OSBP2: variants seen among roughly 807,000 people sequenced by gnomAD.
The protein encoded by OSBP2 is oxysterol binding protein 2, also known as oxysterol-binding protein 2.
Under a neutral mutation model 96.0 loss-of-function variants are expected in OSBP2, and 66 were observed. That is an observed-to-expected ratio of 0.69 (90% CI 0.56 to 0.84). The LOEUF (loss-of-function observed/expected upper bound fraction) is 0.84. OSBP2 is among the 40% of genes least tolerant of loss of function. The pLI is 0.00. For synonymous variants in OSBP2, 525 were observed against 520.9 expected (o/e 1.01, Z -0.11); for missense variants, 1,038 against 1,222.7 (o/e 0.85, Z 2.25).
chr22:30,858,849 A>C (rs982508036), intron 2 of OSBP2, among the ~76,000 whole-genome samples: 1 of 150,052 alleles, frequency 6.7e-6, no homozygotes, highest in Non-Finnish European at 1.5e-5. Context: ...ACTGCACTCC[A>C]GGCTGGGTGA....
chr22:30,888,275 G>A lies in OSBP2; in HGVS notation c.1353G>A (p.Glu451=), dbSNP rs764574498. Residue 451 remains glutamate, a synonymous_variant, in exon 5 of 14, where the codon GAG becomes GAA. Coordinates refer to ENST00000332585, the MANE Select transcript of OSBP2 (RefSeq NM_030758.4). The part of the protein sequence containing the change: ...GEDSEEDEDT[E]YFDAMEDSTS... ...ACAGTGAGGAAGATGAAGATACCGA[G>A]TACTTTGATGCCATGGAAGACTCCA... The A allele has an allele frequency of 6.2e-7, 1 of 1,613,922 alleles. No homozygotes were observed. The highest frequency in any genetic ancestry group is 1.1e-5 in the South Asian group (1 of 91,084).
At chr22:30,891,870 G>A (rs976761432) in intron 8 of OSBP2, among the ~76,000 whole-genome samples, 7 of 152,162 alleles carry the variant, frequency 4.6e-5, no homozygotes, top group Admixed American at 6.5e-5. Flanking sequence ...GAACAGACAC[G>A]GCTCTGGTTC....
In OSBP2 at chr22:30,887,625, G is replaced by A; in HGVS notation, c.1300+7G>A. 6.3e-7 allele frequency: 1 copy of A among 1,575,512 alleles called. No individual in the cohort carries two copies. The stretch of plus-strand genomic sequence containing the variant: ...TCCAAGAGCTTCATTGAGGGTGAGT[G>A]GGCAGCCAGGGCAGGGCTGTCCCAT... On this transcript the variant is annotated splice_region_variant and intron_variant, in intron 4 of 13. Coordinates refer to ENST00000332585, the MANE Select transcript of OSBP2 (RefSeq NM_030758.4).
chr22:30,769,543 G>A (rs1339214086), intron 2 of OSBP2, among the ~76,000 whole-genome samples: 1 of 152,130 alleles, frequency 6.6e-6, no homozygotes, highest in South Asian at 2.1e-4. Context: ...CAGCTACTCG[G>A]GAGGCTGAGG....
chr22:30,774,968 C>T (rs1303575558), intron 2 of OSBP2, among the ~76,000 whole-genome samples: 1 of 152,208 alleles, frequency 6.6e-6, no homozygotes, highest in Non-Finnish European at 1.5e-5. Flanking sequence ...CCGTTCTCAT[C>T]ACTTAGCTTT....
intron 2 of OSBP2, among the ~76,000 whole-genome samples, chr22:30,829,940 G>A (rs1221656549): frequency 1.3e-5 from 2 of 152,236 alleles, no homozygotes; most frequent in African/African-American, 4.8e-5. Flanking sequence ...AGTGGGAGCA[G>A]GGCTTGGGAG....
chr22:30,822,940 T>A (rs1569138289), intron 2 of OSBP2, among the ~76,000 whole-genome samples: 1 of 152,230 alleles, frequency 6.6e-6, no homozygotes, highest in Non-Finnish European at 1.5e-5. Flanking sequence ...GGCTAGAGAC[T>A]TGTCCGTCTA....
intron 2 of OSBP2, among the ~76,000 whole-genome samples, chr22:30,743,927 C>T (rs2089970089): frequency 6.6e-6 from 1 of 152,144 alleles, no homozygotes; most frequent in Non-Finnish European, 1.5e-5. Context: ...AAGGGGACCC[C>T]TGAGGGAGTA....
At chr22:30,824,732 A>G (rs183629186) in intron 2 of OSBP2, among the ~76,000 whole-genome samples, 7 of 152,272 alleles carry the variant, frequency 4.6e-5, no homozygotes, top group Non-Finnish European at 7.4e-5. Flanking sequence ...AAGGGTTCCA[A>G]TGAAATTGCA....
intron 2 of OSBP2, among the ~76,000 whole-genome samples, chr22:30,771,687 G>T (rs1235381338): frequency 1.3e-5 from 2 of 152,216 alleles, no homozygotes; most frequent in Non-Finnish European, 2.9e-5. Context: ...TTTGGTGAAG[G>T]ATATCTGTTT....
intron 12 of OSBP2, among the ~76,000 whole-genome samples, chr22:30,902,995 G>GT (rs1569176747): frequency 1.3e-5 from 2 of 152,010 alleles, no homozygotes; most frequent in African/African-American, 4.8e-5. Flanking sequence ...CTGTTTGTGC[G>GT]TTTTTTTCTT....
chr22:30,733,779 T>C (rs1262471665), intron 1 of OSBP2, among the ~76,000 whole-genome samples: 1 of 152,080 alleles, frequency 6.6e-6, no homozygotes, highest in Non-Finnish European at 1.5e-5. Context: ...TTGACAGAGG[T>C]GAGAGTGTGA....
In OSBP2 at chr22:30,837,125, A is replaced by G. The variant is rs542991506; in HGVS notation, c.854-33304A>G. 1.6e-3 allele frequency among the ~76,000 whole-genome samples: 243 copies of G among 152,092 alleles called. 3 individuals carry two copies. Among genetic ancestry groups the G allele is most frequent in the Non-Finnish European group, 8.8e-4 (60 of 67,966 alleles). ...TAAAATACAAAAATTAGCCAGGTGT[A>G]GTGGCATCTACCTGTAATCCCAGCT... On this transcript the variant is annotated intron_variant, in intron 2 of 13. Coordinates refer to ENST00000332585, the MANE Select transcript of OSBP2 (RefSeq NM_030758.4).
In OSBP2 at chr22:30,847,347, C is replaced by A. The variant is rs181451033; in HGVS notation, c.854-23082C>A. ...CCCAGGCTGGAGTGCAGTGGCATGA[C>A]CTCGGCTCACTGGAACATCCACCTC... On this transcript the variant is annotated intron_variant, in intron 2 of 13. Transcript: ENST00000332585. Among the ~76,000 whole-genome samples the A allele has an allele frequency of 3.3e-3, 496 of 151,518 alleles. 4 individuals are homozygous for A. Among genetic ancestry groups the A allele is most frequent in the Non-Finnish European group, 4.3e-3 (294 of 67,826 alleles).
At chr22:30,785,044 G>A (rs2090567986) in intron 2 of OSBP2, among the ~76,000 whole-genome samples, 2 of 152,114 alleles carry the variant, frequency 1.3e-5, no homozygotes, top group Middle Eastern at 3.2e-3. Flanking sequence ...AAAGTGCTGG[G>A]ATTACAGGTG....
At chr22:30,854,014 C>T (rs915431945) in intron 2 of OSBP2, among the ~76,000 whole-genome samples, 3 of 152,170 alleles carry the variant, frequency 2.0e-5, no homozygotes, top group African/African-American at 7.2e-5. Context: ...CCACCTCGGC[C>T]TCCTAAAGTG....
In OSBP2 at chr22:30,879,453, A is replaced by G. The variant is rs557613752; in HGVS notation, c.1108-7973A>G. Among the ~76,000 whole-genome samples, 7 of 152,340 alleles carry G rather than the reference A, an allele frequency of 4.6e-5. No individual in the cohort carries two copies. The South Asian group carries it at 1.4e-3, about 32-fold the overall frequency. ...CCAGTGCCGAGAGTGAGTCAAGTCA[A>G]GGAGACATTCTGATCGACCCCCGGT... On this transcript the variant is annotated intron_variant, in intron 3 of 13. Coordinates refer to ENST00000332585, the MANE Select transcript of OSBP2 (RefSeq NM_030758.4).
rs552553332 is a variant in OSBP2 at position 30,803,782 on chromosome 22, G to A, written c.853+62413G>A. Among the ~76,000 whole-genome samples the A allele has an allele frequency of 3.1e-4, 47 of 151,610 alleles. 2 individuals carry two copies. Among genetic ancestry groups the A allele is most frequent in the South Asian group, 2.5e-3 (12 of 4,824 alleles). ...GCAGAGGAGCTCTGGAGTGGATACT[G>A]GGCAGGCACTGCCTGCCAGTGGGGT... On this transcript the variant is annotated intron_variant, in intron 2 of 13. Coordinates refer to ENST00000332585, the MANE Select transcript of OSBP2 (RefSeq NM_030758.4).
At chr22:30,897,211 T>C (rs767216318) in intron 12 of OSBP2, among the ~76,000 whole-genome samples, 7 of 152,284 alleles carry the variant, frequency 4.6e-5, no homozygotes, top group East Asian at 1.9e-4. Flanking sequence ...TCCTCAAAAA[T>C]AGACAAAGCA....
Sources: gnomAD v4.1 joint callset for allele counts (sites outside exome capture counted in the v4.1 genomes callset) on GRCh38, gnomAD v4.1.1 for gene constraint, MANE v1.5 for transcripts, NCBI Gene and HGNC (gene_info 2026-07-23, HGNC 2026-07-21) for gene names.